NFKB1: variants seen among roughly 807,000 people sequenced by gnomAD.
NFKB1 encodes the protein nuclear factor kappa B subunit 1.
NFKB1 carries 9 observed loss-of-function variants against 105.1 expected under a neutral mutation model. The ratio of observed to expected loss-of-function variants is 0.09; its 90% confidence interval spans 0.05 to 0.15. The LOEUF is 0.15. Among genes scored for constraint, NFKB1 ranks in the 10% least tolerant of loss-of-function variants. The pLI, the probability that NFKB1 is intolerant of heterozygous loss-of-function variation, is 1.00. For synonymous variants in NFKB1, 440 were observed against 442.2 expected, an observed-to-expected ratio of 1.00 and a Z score of 0.06; for missense variants, 830 against 1,203.7, an observed-to-expected ratio of 0.69 and a Z score of 4.59.
rs1306996546 is a variant in NFKB1 at position 102,616,606 on chromosome 4, T to C, written c.*12T>C. On this transcript the variant is annotated 3_prime_UTR_variant, in exon 24 of 24. Transcript: ENST00000226574. Reference sequence around the variant, plus strand: ...AAGGCAAAATTTAGCCTGCTGACAATTTCCCACACCGTGTAAACCAAAGCC... The same window carrying C: ...AAGGCAAAATTTAGCCTGCTGACAACTTCCCACACCGTGTAAACCAAAGCC... 3 of 1,613,184 alleles carry C rather than the reference T, an allele frequency of 1.9e-6. No individual in the cohort carries two copies. Among genetic ancestry groups the C allele is most frequent in the Non-Finnish European group, 2.5e-6 (3 of 1,179,572 alleles).
chr4:102,527,399 G>C (rs1474322325), intron 2 of NFKB1, among the ~76,000 whole-genome samples: 1 of 152,148 alleles, frequency 6.6e-6, no homozygotes. Context: ...TGCCAGGATA[G>C]CCTGGTCACA....
chr4:102,547,678 T>C (rs1267693025), intron 5 of NFKB1, among the ~76,000 whole-genome samples: 1 of 152,210 alleles, frequency 6.6e-6, no homozygotes, highest in East Asian at 1.9e-4. Flanking sequence ...TATAACCAAA[T>C]ACACTACTAC....
At position 102,521,765 on chromosome 4, in the gene NFKB1, T is replaced by C. The variant is rs184440208; in HGVS notation, c.-7-3747T>C. 2.6e-5 allele frequency among the ~76,000 whole-genome samples: 4 copies of C among 152,248 alleles called. No individual in the cohort carries two copies. In the East Asian group the frequency reaches 7.7e-4, roughly 29 times the overall value. On this transcript the variant is annotated intron_variant, in intron 1 of 23. Transcript: ENST00000226574. ...AAGAAGCTCATGTGCTACACTTTGG[T>C]GTTAGTGGGGGCATTGTCACACAGG...
chr4:102,524,802 A>G lies in NFKB1; in HGVS notation c.-7-710A>G, dbSNP rs551486543. Among the ~76,000 whole-genome samples, 16 of 152,240 alleles carry G rather than the reference A, an allele frequency of 1.1e-4. No homozygotes were observed. In the South Asian group the frequency reaches 1.9e-3, roughly 18 times the overall value. ...AGATCCCTTGCATGCACAGTTCACAATAGGGTTTATGCTCCTATGAGAATC... is the reference window on the plus strand; with the variant it reads ...AGATCCCTTGCATGCACAGTTCACAGTAGGGTTTATGCTCCTATGAGAATC... On this transcript the variant is annotated intron_variant, in intron 1 of 23. Coordinates refer to ENST00000226574, the MANE Select transcript of NFKB1 (RefSeq NM_003998.4).
chr4:102,595,654 T>C (rs4235405), intron 13 of NFKB1, among the ~76,000 whole-genome samples: 96,132 of 152,054 alleles, frequency 0.63, 31,415 homozygotes, highest in African/African-American at 0.81. Flanking sequence ...GCAGGTCTCC[T>C]GCAGAAAAGC....
chr4:102,565,394 C>T (rs574164115), intron 5 of NFKB1, among the ~76,000 whole-genome samples: 1 of 152,236 alleles, frequency 6.6e-6, no homozygotes, highest in South Asian at 2.1e-4. Context: ...AAACTTCTCT[C>T]CCTGCAAACC....
chr4:102,595,673 C>T (rs1211660694), intron 13 of NFKB1, among the ~76,000 whole-genome samples: 1 of 152,198 alleles, frequency 6.6e-6, no homozygotes, highest in Non-Finnish European at 1.5e-5. Flanking sequence ...GCTAGATGCT[C>T]TCATAGTATC....
chr4:102,527,032 A>T (rs964495740), intron 2 of NFKB1, among the ~76,000 whole-genome samples: 25 of 152,246 alleles, frequency 1.6e-4, no homozygotes, highest in African/African-American at 6.0e-4. Flanking sequence ...TAAATTATTT[A>T]TGTAATGATT....
At chr4:102,554,786 G>C (rs184216555) in intron 5 of NFKB1, among the ~76,000 whole-genome samples, 6 of 152,200 alleles carry the variant, frequency 3.9e-5, no homozygotes, top group Non-Finnish European at 7.4e-5. Context: ...TCTGAGTCTC[G>C]CTTCTGGTTT....
At chr4:102,614,580 C>T (rs1252279210) in intron 23 of NFKB1, among the ~76,000 whole-genome samples, 1 of 152,264 alleles carries the variant, frequency 6.6e-6, no homozygotes, top group East Asian at 1.9e-4. Context: ...TCTGCTTGGC[C>T]TCCTGCAGTT....
intron 7 of NFKB1, chr4:102,578,086 T>C (rs1303073886): frequency 1.6e-6 from 1 of 614,874 alleles, no homozygotes; most frequent in African/African-American, 2.0e-5. Flanking sequence ...AGCACCATGA[T>C]TTCTCACTTT....
chr4:102,605,011 TA>T (rs1252401346), intron 16 of NFKB1, among the ~76,000 whole-genome samples: 1 of 152,136 alleles, frequency 6.6e-6, no homozygotes, highest in Non-Finnish European at 1.5e-5. Context: ...AGATATTTTT[TA>T]ATTAAATTCA....
intron 2 of NFKB1, among the ~76,000 whole-genome samples, chr4:102,529,095 T>G (rs1287505816): frequency 6.6e-6 from 1 of 152,196 alleles, no homozygotes; most frequent in African/African-American, 2.4e-5. Flanking sequence ...TCTCTTCATC[T>G]TATTATCATT....
chr4:102,586,040 G>A (rs576551509), intron 11 of NFKB1, among the ~76,000 whole-genome samples: 1 of 152,176 alleles, frequency 6.6e-6, no homozygotes, highest in Non-Finnish European at 1.5e-5. Context: ...GCCTAGGTTT[G>A]GAATGATGGC....
At chr4:102,616,350 T>C in intron 23 of NFKB1, 84 bp from the exon 24 acceptor site, 1 of 1,475,318 alleles carries the variant, frequency 6.8e-7, no homozygotes, top group East Asian at 2.3e-5. Flanking sequence ...CAGAAGCCAG[T>C]GGGCAAGAGT....
At chr4:102,574,020 T>C (rs567904209) in intron 6 of NFKB1, among the ~76,000 whole-genome samples, 1 of 152,016 alleles carries the variant, frequency 6.6e-6, no homozygotes, top group Non-Finnish European at 1.5e-5. Flanking sequence ...TTTTGTTTAG[T>C]TTTTGTCCTA....
intron 5 of NFKB1, among the ~76,000 whole-genome samples, chr4:102,551,367 T>TGTGTGTGTGCGCGCGC (rs370790173): frequency 2.7e-5 from 4 of 150,092 alleles, no homozygotes; most frequent in African/African-American, 9.8e-5. Flanking sequence ...TGTGTGTGTG[T>TGTGTGTGTGCGCGCGC]GCGCGCGCGC....
Position 102,596,317 on chromosome 4 carries a change from A to C in NFKB1, c.1480A>C (p.Ser494Arg), listed in dbSNP as rs376402199. 1.2e-5 allele frequency: 20 copies of C among 1,607,966 alleles called. No homozygotes were observed. In the Middle Eastern group the frequency reaches 5.0e-4, roughly 40 times the overall value. ...LTYATGTKEE[S>R]AGVQDNLFLE... ...GTATGCAACAGGAACAAAAGAAGAG[A>C]GTGCTGGAGTTCAGGGTAAGTGAGC... Residue 494 changes from serine to arginine, a missense_variant, in exon 14 of 24, where the codon AGT becomes CGT. By Grantham distance (110) the Ser-to-Arg change is moderately radical. Around this residue, in one of 8 missense-constraint regions of NFKB1, gnomAD observed 163 missense variants for 164.3 expected, o/e 0.99. Coordinates refer to ENST00000226574, the MANE Select transcript of NFKB1 (RefSeq NM_003998.4).
intron 6 of NFKB1, among the ~76,000 whole-genome samples, chr4:102,574,635 A>C (rs1724664731): frequency 6.6e-6 from 1 of 152,132 alleles, no homozygotes; most frequent in South Asian, 2.1e-4. Context: ...TTTAGGCATT[A>C]AGCCAGAGTA....
Sources: allele counts gnomAD v4.1 joint callset (sites outside exome capture counted in the v4.1 genomes callset), GRCh38; gene constraint gnomAD v4.1.1; regional missense constraint gnomAD v4.1.1; transcripts MANE v1.5; gene names NCBI Gene and HGNC (gene_info 2026-07-23, HGNC 2026-07-21).